The following TMPRSS4 variants were observed in gnomAD, a reference collection of about 807,000 sequenced individuals.
TMPRSS4 encodes the protein transmembrane protease serine 4.
TMPRSS4 carries 45 observed loss-of-function variants against 56.4 expected under a neutral mutation model. That is an observed-to-expected ratio of 0.80 (90% CI 0.63 to 1.02). The LOEUF is 1.02. Among genes scored for constraint, TMPRSS4 ranks in the 50% least tolerant of loss-of-function variants. TMPRSS4 has a pLI of 0.00. For missense variants in TMPRSS4, 546 were observed against 556.7 expected, an observed-to-expected ratio of 0.98 and a Z score of 0.19; for synonymous variants, 205 against 211.0, an observed-to-expected ratio of 0.97 and a Z score of 0.25.
rs1451218408 is a variant in TMPRSS4, at chr11:118,103,227, G to C, written c.284G>C (p.Ser95Thr). 1 of 1,614,084 alleles carries C rather than the reference G, an allele frequency of 6.2e-7. No homozygotes were observed. The highest frequency in any genetic ancestry group is 1.1e-5 in the South Asian group (1 of 91,072). ...GAGGACGAGGAGCACTGTGTCAAGA[G>C]CTTCCCCGAAGGGCCTGCAGTGGCA... ...LGEDEEHCVK[S>T]FPEGPAVAVR... is the part of the protein sequence containing the mutation. Residue 95 changes from serine to threonine, a missense_variant, in exon 4 of 13, where the codon AGC (serine) becomes ACC (threonine). By Grantham distance (58) the Ser-to-Thr change is moderately conservative. Transcript: ENST00000437212.
chr11:118,120,343 G>T lies in TMPRSS4; in HGVS notation c.*2430G>T, dbSNP rs578089063. On this transcript the variant is annotated 3_prime_UTR_variant, in exon 13 of 13. Coordinates refer to ENST00000437212, the MANE Select transcript of TMPRSS4 (RefSeq NM_019894.4). ...TGGGTATATTCCCAGAAGTGGAATT[G>T]CTGGATCATATGGTAATTCTATTTT... is the stretch of plus-strand genomic sequence containing the variant. 40 of 152,284 alleles carry T rather than the reference G, an allele frequency of 2.6e-4. No homozygotes were observed. The highest frequency in any genetic ancestry group is 9.6e-4 in the African/African-American group (40 of 41,556). 9.4% of individuals were successfully genotyped at this position (152,284 alleles called of 1,614,324 possible).
At chr11:118,078,385 C>T (rs1354828412) in intron 1 of TMPRSS4, among the ~76,000 whole-genome samples, 2 of 152,004 alleles carry the variant, frequency 1.3e-5, no homozygotes, top group African/African-American at 4.8e-5. Flanking sequence ...AAGGGTGTGA[C>T]CTGCAGGGGC....
chr11:118,093,885 A>G lies in TMPRSS4; in HGVS notation c.4-931A>G, dbSNP rs115941175. Among the ~76,000 whole-genome samples, 434 of 149,604 alleles carry G rather than the reference A, an allele frequency of 2.9e-3. 4 individuals are homozygous for G. The highest frequency in any genetic ancestry group is 0.01 in the African/African-American group (423 of 41,072). The stretch of plus-strand genomic sequence containing the variant: ...AGATTAACCTTGCCTTTTAAACTTT[A>G]TATAAGTGAAATCGTACTTTTTGTG... On this transcript the variant is annotated intron_variant, in intron 1 of 12. Coordinates refer to ENST00000437212, the MANE Select transcript of TMPRSS4 (RefSeq NM_019894.4).
At chr11:118,121,949 T>C (rs1947803996), downstream of TMPRSS4, 1 of 152,318 alleles carries the variant, frequency 6.6e-6, no homozygotes, top group South Asian at 2.1e-4. Flanking sequence ...ATTAATGTTA[T>C]GTTACATAAA....
At chr11:118,108,815 G>A (rs1322424141) in intron 6 of TMPRSS4, 41 bp from the exon 7 acceptor site, 2 of 1,612,198 alleles carry the variant, frequency 1.2e-6, no homozygotes, top group Admixed American at 1.7e-5. Context: ...TCCCAGCTGA[G>A]GAAGAAGCTT....
intron 7 of TMPRSS4, 36 bp downstream of exon 7, chr11:118,108,932 G>C (rs765345055): frequency 1.2e-6 from 2 of 1,607,672 alleles, no homozygotes; most frequent in South Asian, 2.2e-5. Context: ...TTGGGGCCTG[G>C]GCCAGCAATG....
At chr11:118,102,666 G>T (rs1253176073) in intron 3 of TMPRSS4, among the ~76,000 whole-genome samples, 1 of 152,084 alleles carries the variant, frequency 6.6e-6, no homozygotes, top group African/African-American at 2.4e-5. Flanking sequence ...CCAAGATCCC[G>T]CCACTGCACT....
At chr11:118,082,237 G>T (rs1332423997) in intron 1 of TMPRSS4, among the ~76,000 whole-genome samples, 2 of 152,146 alleles carry the variant, frequency 1.3e-5, no homozygotes, top group Non-Finnish European at 2.9e-5. Flanking sequence ...AACTCTCTGA[G>T]ACATTGTAAT....
chr11:118,108,790 G>C (rs146151453), intron 6 of TMPRSS4, 66 bp from the exon 7 acceptor site: 7 of 1,570,388 alleles, frequency 4.5e-6, no homozygotes, highest in Admixed American at 1.7e-5. Flanking sequence ...GCTTCGGGAG[G>C]CCTGAGTCCC....
intron 4 of TMPRSS4, among the ~76,000 whole-genome samples, chr11:118,104,110 T>G (rs1372018616): frequency 2.0e-5 from 3 of 152,112 alleles, no homozygotes; most frequent in African/African-American, 4.8e-5. Context: ...GAAAAAAAGA[T>G]AGGTAGGAGA....
At chr11:118,083,661 C>T (rs1459874404) in intron 1 of TMPRSS4, among the ~76,000 whole-genome samples, 4 of 152,122 alleles carry the variant, frequency 2.6e-5, no homozygotes, top group Non-Finnish European at 4.4e-5. Flanking sequence ...GGCAAAAGAG[C>T]TTTACCTCTG....
In TMPRSS4 at chr11:118,115,395, A is replaced by G. The variant is rs1591411565; in HGVS notation, c.1152+115A>G. The G allele has an allele frequency of 1.0e-5, 13 of 1,263,028 alleles. No homozygotes were observed. In the East Asian group the frequency reaches 2.9e-4, roughly 28 times the overall value. The allele number at this position is 1,263,028 out of a possible 1,614,324, so 78.2% of individuals were successfully genotyped here. On this transcript the variant is annotated intron_variant, in intron 11 of 12. Coordinates refer to ENST00000437212, the MANE Select transcript of TMPRSS4 (RefSeq NM_019894.4). ...AAGCCTTGCATATCATGGGCACTCA[A>G]TGTGTGATGATGGGAGGAAGAGAGG... is the stretch of plus-strand genomic sequence containing the variant.
chr11:118,086,310 C>T (rs1335779075), intron 1 of TMPRSS4, among the ~76,000 whole-genome samples: 12 of 152,232 alleles, frequency 7.9e-5, no homozygotes, highest in African/African-American at 2.9e-4. Flanking sequence ...CCCTTCTGCC[C>T]CAGGCCCTGC....
In TMPRSS4 at chr11:118,114,828, G is replaced by C. The variant is rs868809858; in HGVS notation, c.911-1G>C. On this transcript the variant is annotated splice_acceptor_variant, in intron 9 of 12. Transcript: ENST00000437212. LOFTEE classifies it high-confidence loss of function. ...TCCTTCTTCCTCTGTGCTCCTGGCAGGCACAGTCAGGCCCATCTGTCTGCC... is the reference window on the plus strand; with the variant it reads ...TCCTTCTTCCTCTGTGCTCCTGGCACGCACAGTCAGGCCCATCTGTCTGCC... The C allele has an allele frequency of 1.2e-6, 2 of 1,602,906 alleles. No homozygotes were observed. The highest frequency in any genetic ancestry group is 1.7e-5 in the Admixed American group (1 of 58,514).
intron 3 of TMPRSS4, 162 bp from the exon 4 acceptor site, chr11:118,102,939 G>C: frequency 1.2e-6 from 1 of 856,952 alleles, no homozygotes; most frequent in African/African-American, 1.7e-5. Flanking sequence ...CAAGGAAGCT[G>C]AGGCTCAGGC....
At position 118,118,148 on chromosome 11, in the gene TMPRSS4, C is replaced by G; in HGVS notation, c.*235C>G. 1.4e-6 allele frequency: 2 copies of G among 1,417,898 alleles called. No homozygotes were observed. The highest frequency in any genetic ancestry group is 1.8e-6 in the Non-Finnish European group (2 of 1,090,358). The allele number at this position is 1,417,898 out of a possible 1,614,324, so 87.8% of individuals were successfully genotyped here. ...GGCCACACTTGGTGCTCCCAGCATC[C>G]CAGGGAGAGACACAGCCCACTGAAC... On this transcript the variant is annotated 3_prime_UTR_variant, in exon 13 of 13. Transcript: ENST00000437212.
At chr11:118,082,242 T>C (rs556837357) in intron 1 of TMPRSS4, among the ~76,000 whole-genome samples, 190 of 152,296 alleles carry the variant, frequency 1.2e-3, no homozygotes, top group African/African-American at 3.6e-3. Context: ...TCTGAGACAT[T>C]GTAATCCTCA....
At chr11:118,115,630 G>A in intron 11 of TMPRSS4, 1 of 212,114 alleles carries the variant, frequency 4.7e-6, no homozygotes, top group South Asian at 9.1e-5. Flanking sequence ...GACCAGCCTG[G>A]CCAACATGGT....
rs988807123 is a variant in TMPRSS4 at position 118,118,307 on chromosome 11, C to T, written c.*394C>T. On this transcript the variant is annotated 3_prime_UTR_variant, in exon 13 of 13. Coordinates refer to ENST00000437212, the MANE Select transcript of TMPRSS4 (RefSeq NM_019894.4). Reference sequence around the variant, plus strand: ...AAGGGTCTGCGCCAGCCCTGTCCGTCTTCACCCATCCCCAAGCCTACTAGA... The same window carrying T: ...AAGGGTCTGCGCCAGCCCTGTCCGTTTTCACCCATCCCCAAGCCTACTAGA... The T allele has an allele frequency of 9.2e-7, 1 of 1,088,164 alleles. No individual in the cohort carries two copies. Among genetic ancestry groups the T allele is most frequent in the African/African-American group, 1.7e-5 (1 of 60,430 alleles). The allele number at this position is 1,088,164 out of a possible 1,614,324, so 67.4% of individuals were successfully genotyped here. A position where few individuals can be genotyped will look rare whatever the true frequency, so the allele number is the denominator to read the frequency against.
Sources: gnomAD v4.1 joint callset for allele counts (sites outside exome capture counted in the v4.1 genomes callset) on GRCh38, gnomAD v4.1.1 for gene constraint, MANE v1.5 for transcripts, NCBI Gene and HGNC (gene_info 2026-07-23, HGNC 2026-07-21) for gene names.